Variants in XPR1 observed in about 807,000 individuals in gnomAD.
The protein encoded by XPR1 is xenotropic and polytropic retrovirus receptor 1.
A neutral mutation model predicts 87.5 loss-of-function variants in XPR1; 28 were observed. The ratio of observed to expected loss-of-function variants is 0.32; its 90% CI spans 0.24 to 0.44. The LOEUF (loss-of-function observed/expected upper bound fraction) is 0.44. XPR1 is among the 20% of genes least tolerant of loss of function. The probability of loss-of-function intolerance (pLI) is 1.00; values close to 1 mark genes in which losing one functional copy is unlikely to be tolerated. For synonymous variants in XPR1, 300 were observed against 306.1 expected, an observed-to-expected ratio of 0.98 and a Z score of 0.21; for missense variants, 559 against 862.3, an observed-to-expected ratio of 0.65 and a Z score of 4.41.
chr1:180,791,682 A>G (rs1434964695), intron 3 of XPR1, among the ~76,000 whole-genome samples: 1 of 152,240 alleles, frequency 6.6e-6, no homozygotes, highest in African/African-American at 2.4e-5. Flanking sequence ...TACACAATAT[A>G]TTTAAATAAT....
intron 2 of XPR1, among the ~76,000 whole-genome samples, chr1:180,713,393 A>C (rs573830240): frequency 6.6e-6 from 1 of 152,294 alleles, no homozygotes; most frequent in East Asian, 1.9e-4. Context: ...TTAAAAATAG[A>C]TTCCATCAGA....
intron 7 of XPR1, among the ~76,000 whole-genome samples, chr1:180,823,601 T>G (rs906011242): frequency 6.6e-6 from 1 of 152,204 alleles, no homozygotes; most frequent in Non-Finnish European, 1.5e-5. Context: ...GAGTTGGTGA[T>G]TAGATTATGA....
intron 2 of XPR1, among the ~76,000 whole-genome samples, chr1:180,713,345 C>A (rs1228880147): frequency 6.6e-6 from 1 of 152,038 alleles, no homozygotes; most frequent in African/African-American, 2.4e-5. Context: ...TGATCTTGTG[C>A]AAATTTGCTA....
intron 2 of XPR1, among the ~76,000 whole-genome samples, chr1:180,719,646 A>G (rs978017156): frequency 6.6e-6 from 1 of 152,148 alleles, no homozygotes; most frequent in Admixed American, 6.5e-5. Flanking sequence ...GTACAGAGTG[A>G]TATTTAGATA....
intron 2 of XPR1, among the ~76,000 whole-genome samples, chr1:180,737,817 G>A (rs917202646): frequency 2.3e-4 from 35 of 151,976 alleles, no homozygotes; most frequent in African/African-American, 7.3e-4. Flanking sequence ...GTAGCATTCC[G>A]TTGCATAATG....
intron 9 of XPR1, among the ~76,000 whole-genome samples, chr1:180,834,585 C>T (rs937427953): frequency 6.6e-6 from 1 of 152,162 alleles, no homozygotes; most frequent in Non-Finnish European, 1.5e-5. Flanking sequence ...GATCCCTTAA[C>T]AATATTTGGA....
intron 7 of XPR1, among the ~76,000 whole-genome samples, chr1:180,812,321 A>G (rs1266561574): frequency 6.6e-6 from 1 of 152,202 alleles, no homozygotes; most frequent in Admixed American, 6.5e-5. Flanking sequence ...ATTCAAGACT[A>G]TGGCTATAAA....
chr1:180,638,871 A>C (rs1301359903), intron 1 of XPR1, among the ~76,000 whole-genome samples: 1 of 152,148 alleles, frequency 6.6e-6, no homozygotes, highest in Admixed American at 6.5e-5. Context: ...CTTCTGTATA[A>C]ATTTGGATTA....
chr1:180,661,507 GTGTGTGTGTGT>G lies in XPR1; in HGVS notation c.70-20852_70-20842del, dbSNP rs1655777584. On this transcript the variant is annotated intron_variant, in intron 1 of 14. Transcript: ENST00000367590. ...TGTGTGTGTGTGTGTGTGTGTGTGT[GTGTGTGTGTGT>G]GGTATGTTTTTTGATTTGAGGTTAC... Among the ~76,000 whole-genome samples, 10 of 150,770 alleles carry G rather than the reference GTGTGTGTGTGT, an allele frequency of 6.6e-5. No individual in the cohort carries two copies. In the South Asian group the frequency reaches 1.9e-3, roughly 29 times the overall value.
At chr1:180,704,824 T>G (rs1382363328) in intron 2 of XPR1, among the ~76,000 whole-genome samples, 3 of 144,432 alleles carry the variant, frequency 2.1e-5, no homozygotes, top group African/African-American at 5.0e-5. Context: ...GTTTTTTTTT[T>G]TTTTTTTTTT....
rs147276839 is a variant in XPR1 at position 180,884,676 on chromosome 1, A to T, written c.*610A>T. Reference sequence around the variant, plus strand: ...GTGGGAAATATGATGTATTTGTTACACATAGTTTTCTCATTATTTATGAAA... The same window carrying T: ...GTGGGAAATATGATGTATTTGTTACTCATAGTTTTCTCATTATTTATGAAA... On this transcript the variant is annotated 3_prime_UTR_variant, in exon 15 of 15. Coordinates refer to ENST00000367590, the MANE Select transcript of XPR1 (RefSeq NM_004736.4). 1,521 of 152,778 alleles carry T rather than the reference A, an allele frequency of 1.0e-2. 16 individuals are homozygous for T. Among genetic ancestry groups the T allele is most frequent in the Non-Finnish European group, 0.017 (1,161 of 68,054 alleles). The allele number at this position is 152,778 out of a possible 1,614,324, so 9.5% of individuals were successfully genotyped here. A position where few individuals can be genotyped will look rare whatever the true frequency, so the allele number is the denominator to read the frequency against.
chr1:180,656,640 ATAT>A (rs780935141), intron 1 of XPR1, among the ~76,000 whole-genome samples: 93 of 103,090 alleles, frequency 9.0e-4, no homozygotes, highest in African/African-American at 2.3e-3. Flanking sequence ...TATGTATAAT[ATAT>A]TATTATATAT....
At position 180,704,278 on chromosome 1, in the gene XPR1, T is replaced by TATA. The variant is rs1192955477; in HGVS notation, c.121+21869_121+21870insAAT. Among the ~76,000 whole-genome samples, 145 of 31,924 alleles carry TATA rather than the reference T, an allele frequency of 4.5e-3. 1 individual carries two copies. Among genetic ancestry groups the TATA allele is most frequent in the Non-Finnish European group, 7.0e-3 (91 of 12,968 alleles). 20.9% of individuals were successfully genotyped at this position (31,924 alleles called of 152,430 possible). A position where few individuals can be genotyped will look rare whatever the true frequency, so the allele number is the denominator to read the frequency against. ...TATATATATATATATATATATATAT[T>TATA]ATCAGATTATCTGTTTTGTTACTAC... On this transcript the variant is annotated intron_variant, in intron 2 of 14. Coordinates refer to ENST00000367590, the MANE Select transcript of XPR1 (RefSeq NM_004736.4).
chr1:180,714,058 A>G (rs1386376392), intron 2 of XPR1, among the ~76,000 whole-genome samples: 2 of 152,084 alleles, frequency 1.3e-5, no homozygotes, highest in South Asian at 4.1e-4. Flanking sequence ...TTTTTTCTTG[A>G]GTGAACTCTT....
At chr1:180,746,168 G>A (rs1292986412) in intron 2 of XPR1, among the ~76,000 whole-genome samples, 1 of 152,094 alleles carries the variant, frequency 6.6e-6, no homozygotes, top group Non-Finnish European at 1.5e-5. Flanking sequence ...GTATAGTGGT[G>A]AAGTTTCAGA....
chr1:180,715,787 C>T (rs941091039), intron 2 of XPR1, among the ~76,000 whole-genome samples: 1 of 152,050 alleles, frequency 6.6e-6, no homozygotes, highest in East Asian at 1.9e-4. Context: ...ATTCTCCTGC[C>T]TCAGCCTCCT....
At chr1:180,819,799 C>T (rs1650548543) in intron 7 of XPR1, among the ~76,000 whole-genome samples, 1 of 152,062 alleles carries the variant, frequency 6.6e-6, no homozygotes. Context: ...GGGTGGATTG[C>T]CTGAGCTCAG....
At position 180,678,163 on chromosome 1, in the gene XPR1, A is replaced by C. The variant is rs79124833; in HGVS notation, c.70-4197A>C. On this transcript the variant is annotated intron_variant, in intron 1 of 14. Transcript: ENST00000367590. ...ACAGAGCCTGCACATTCATGTGTTC[A>C]CCAACTTGGAAGCTCTCTGAACCTT... Among the ~76,000 whole-genome samples, 875 of 152,338 alleles carry C rather than the reference A, an allele frequency of 5.7e-3. 38 individuals carry two copies. The highest frequency in any genetic ancestry group is 0.045 in the Admixed American group (684 of 15,298).
At chr1:180,819,551 A>G (rs1390277522) in intron 7 of XPR1, among the ~76,000 whole-genome samples, 5 of 152,054 alleles carry the variant, frequency 3.3e-5, no homozygotes, top group Non-Finnish European at 5.9e-5. Flanking sequence ...GTTCATGGCA[A>G]TTTTCTTCCT....
Sources: allele counts gnomAD v4.1 joint callset (sites outside exome capture counted in the v4.1 genomes callset), GRCh38; gene constraint gnomAD v4.1.1; transcripts MANE v1.5; gene names NCBI Gene and HGNC (gene_info 2026-07-23, HGNC 2026-07-21).